Variants in SMG6 observed in about 807,000 individuals in gnomAD.
SMG6 encodes the protein telomerase-binding protein EST1A.
A neutral mutation model predicts 142.2 loss-of-function variants in SMG6; 66 were observed. The ratio of observed to expected loss-of-function variants is 0.46; its 90% CI spans 0.38 to 0.57. SMG6 has a LOEUF of 0.57. Ranked by LOEUF, SMG6 falls within the 20% of genes least tolerant of loss-of-function variation. SMG6 has a pLI of 0.00. For synonymous variants in SMG6, 779 were observed against 702.4 expected (o/e 1.11, Z -1.72); for missense variants, 1,793 against 1,832.0 (o/e 0.98, Z 0.39).
intron 6 of SMG6, among the ~76,000 whole-genome samples, chr17:2,292,222 C>T (rs1394491927): frequency 6.6e-6 from 1 of 152,094 alleles, no homozygotes; most frequent in South Asian, 2.1e-4. Context: ...GAATGAGTTG[C>T]CTAGTTCAAC....
At chr17:2,287,908 G>A (rs1034018033) in intron 6 of SMG6, among the ~76,000 whole-genome samples, 23 of 152,158 alleles carry the variant, frequency 1.5e-4, no homozygotes, top group African/African-American at 5.6e-4. Flanking sequence ...AGAGAAGTGG[G>A]AGCTGTTATT....
intron 13 of SMG6, among the ~76,000 whole-genome samples, chr17:2,119,755 G>T (rs575133834): frequency 3.9e-5 from 6 of 152,082 alleles, no homozygotes; most frequent in African/African-American, 1.4e-4. Context: ...TCCGCCTCCC[G>T]GGTTCATGCC....
rs199905526 is a variant in SMG6 at position 2,300,608 on chromosome 17, G to T, written c.145C>A (p.Leu49Met). 3 of 1,612,408 alleles carry T rather than the reference G, an allele frequency of 1.9e-6. No homozygotes were observed. The highest frequency in any genetic ancestry group is 2.7e-5 in the African/African-American group (2 of 74,708). Reference protein sequence around the residue: ...RPRKDNRRPDLEIYKPGLSRL... With the variant: ...RPRKDNRRPDMEIYKPGLSRL... ...GAAAGGCCAGGCTTATAGATTTCCA[G>T]ATCTGGACGCCTGTTATCTTTGCGC... Residue 49 changes from leucine (L) to methionine (M), a missense_variant, in exon 2 of 19, where the codon CTG becomes ATG. Transcript: ENST00000263073.
rs978395146 is a variant in SMG6 at position 2,138,248 on chromosome 17, T to C, written c.3357+34410A>G. Among the ~76,000 whole-genome samples, 4 of 152,280 alleles carry C rather than the reference T, an allele frequency of 2.6e-5. No individual in the cohort carries two copies. The East Asian group carries it at 7.7e-4, about 29-fold the overall frequency. On this transcript the variant is annotated intron_variant, in intron 13 of 18. Transcript: ENST00000263073. ...TTAGTGAAAATGACAGTGAAAGCTT[T>C]AGATTTTTTCAAATGTAAAGGTTAG... is the stretch of plus-strand genomic sequence containing the variant.
intron 13 of SMG6, among the ~76,000 whole-genome samples, chr17:2,116,486 G>A (rs1477343592): frequency 6.6e-6 from 1 of 152,208 alleles, no homozygotes; most frequent in Non-Finnish European, 1.5e-5. Flanking sequence ...CACTTTGGGA[G>A]GCTGAGGTGG....
chr17:2,088,301 TG>T, intron 13 of SMG6: 4 of 985,274 alleles, frequency 4.1e-6, no homozygotes, highest in Non-Finnish European at 4.8e-6. Context: ...CTCCTGGAGA[TG>T]GGGATTTCCA....
At chr17:2,082,009 T>G in intron 14 of SMG6, 53 bp from the exon 15 acceptor site, 2 of 1,592,434 alleles carry the variant, frequency 1.3e-6, no homozygotes, top group Non-Finnish European at 1.7e-6. Context: ...GCTGGGCCCA[T>G]GGCTCTTACT....
At chr17:2,171,367 G>GTA (rs1383574031) in intron 13 of SMG6, among the ~76,000 whole-genome samples, 1 of 151,012 alleles carries the variant, frequency 6.6e-6, no homozygotes, top group Non-Finnish European at 1.5e-5. Flanking sequence ...GTGTGTGTGT[G>GTA]TGTGTGTGTG....
Position 2,068,757 on chromosome 17 carries a change from T to C in SMG6, c.3835+21A>G, listed in dbSNP as rs1257978852. ...CTGCTGTGCACATGCAAGGCCGCTCTGCCCTTCCCGCCTGACTCACCGATG... is the reference window on the plus strand; with the variant it reads ...CTGCTGTGCACATGCAAGGCCGCTCCGCCCTTCCCGCCTGACTCACCGATG... On this transcript the variant is annotated intron_variant, in intron 16 of 18. Coordinates refer to ENST00000263073, the MANE Select transcript of SMG6 (RefSeq NM_017575.5). This position sits in a 1 kb window ranked among gnomAD's most constrained non-coding sequence, Gnocchi z 6.7. 3 of 1,611,920 alleles carry C rather than the reference T, an allele frequency of 1.9e-6. No individual in the cohort carries two copies. The highest frequency in any genetic ancestry group is 2.5e-6 in the Non-Finnish European group (3 of 1,178,836).
chr17:2,087,784 A>G, intron 13 of SMG6: 1 of 985,964 alleles, frequency 1.0e-6, no homozygotes, highest in Non-Finnish European at 1.2e-6. Flanking sequence ...CAGCACGCAC[A>G]GTGGCCTCCC....
At position 2,225,347 on chromosome 17, in the gene SMG6, A is replaced by G. The variant is rs961340027; in HGVS notation, c.2869+11145T>C. On this transcript the variant is annotated intron_variant, in intron 10 of 18. Coordinates refer to ENST00000263073, the MANE Select transcript of SMG6 (RefSeq NM_017575.5). ...CAAAAAAAAGAAAAAAAGAAAAAAA[A>G]AAAAAGAAAAAGCTGGGTGTGGTCA... Among the ~76,000 whole-genome samples, 2 of 151,544 alleles carry G rather than the reference A, an allele frequency of 1.3e-5. 1 individual carries two copies. The highest frequency in any genetic ancestry group is 4.8e-5 in the African/African-American group (2 of 41,308).
chr17:2,171,517 ACT>A (rs986228949), intron 13 of SMG6, among the ~76,000 whole-genome samples: 14 of 148,534 alleles, frequency 9.4e-5, no homozygotes, highest in African/African-American at 3.5e-4. Context: ...GTGAACAAAT[ACT>A]CTTTTATACT....
chr17:2,086,202 A>G (rs1597362733), intron 13 of SMG6, among the ~76,000 whole-genome samples: 1 of 152,316 alleles, frequency 6.6e-6, no homozygotes, highest in Non-Finnish European at 1.5e-5. Context: ...GTCCTGATAC[A>G]AAACAGAATA....
At chr17:2,122,155 G>A (rs2069721746) in intron 13 of SMG6, among the ~76,000 whole-genome samples, 1 of 152,124 alleles carries the variant, frequency 6.6e-6, no homozygotes, top group Non-Finnish European at 1.5e-5. Context: ...GGATGGATGG[G>A]TGGATAGATG....
At chr17:2,207,905 T>A (rs2072736002) in intron 10 of SMG6, among the ~76,000 whole-genome samples, 1 of 152,212 alleles carries the variant, frequency 6.6e-6, no homozygotes, top group African/African-American at 2.4e-5. Flanking sequence ...AGAACTGACC[T>A]GCTTCTGCCT....
chr17:2,122,623 AGCGGGGCGGGGGGCAATG>A (rs1273080919), intron 13 of SMG6: 4 of 152,214 alleles, frequency 2.6e-5, no homozygotes, highest in Non-Finnish European at 4.4e-5. Flanking sequence ...GGCAGTGGGA[AGCGGGGCGGGGGGCAATG>A]GCGAAGCTAA....
intron 13 of SMG6, among the ~76,000 whole-genome samples, chr17:2,147,575 A>C (rs1022399550): frequency 3.9e-5 from 6 of 152,134 alleles, no homozygotes; most frequent in Non-Finnish European, 8.8e-5. Flanking sequence ...TACTTCTTAA[A>C]AAAAAATGAT....
intron 10 of SMG6, among the ~76,000 whole-genome samples, chr17:2,223,796 A>G (rs1452703719): frequency 3.3e-5 from 5 of 152,218 alleles, no homozygotes; most frequent in East Asian, 3.8e-4. Context: ...ACCATTTGCC[A>G]TAAGACTGAG....
chr17:2,108,618 G>C (rs913506578), intron 13 of SMG6, among the ~76,000 whole-genome samples: 1 of 149,848 alleles, frequency 6.7e-6, no homozygotes, highest in Non-Finnish European at 1.5e-5. Context: ...GCCACAAAGC[G>C]AGACTCTGTC....
Sources: allele counts gnomAD v4.1 joint callset (sites outside exome capture counted in the v4.1 genomes callset), GRCh38; gene constraint gnomAD v4.1.1; non-coding constraint Gnocchi (gnomAD v3.1); transcripts MANE v1.5; gene names NCBI Gene and HGNC (gene_info 2026-07-23, HGNC 2026-07-21).